The following GSK3B variants were observed in gnomAD, a reference collection of about 807,000 sequenced individuals.
GSK3B encodes glycogen synthase kinase 3 beta.
Under a neutral mutation model 56.4 loss-of-function variants are expected in GSK3B, and 15 were observed. The observed-to-expected ratio is 0.27, with a 90% CI of 0.18 to 0.41. The LOEUF (loss-of-function observed/expected upper bound fraction) is 0.41, where lower values mean the gene tolerates loss of function less well. Among genes scored for constraint, GSK3B ranks in the 10% least tolerant of loss-of-function variants. The pLI is 1.00. For missense variants in GSK3B, 300 were observed against 513.4 expected (o/e 0.58, Z 4.02); for synonymous variants, 181 against 188.9 (o/e 0.96, Z 0.34).
intron 2 of GSK3B, among the ~76,000 whole-genome samples, chr3:119,963,892 TAA>T (rs1195842783): frequency 6.6e-6 from 1 of 152,096 alleles, no homozygotes; most frequent in Non-Finnish European, 1.5e-5. Flanking sequence ...GATTTAAACA[TAA>T]GATCTGAAAA....
At chr3:120,027,939 T>A (rs916142058) in intron 1 of GSK3B, among the ~76,000 whole-genome samples, 1 of 152,234 alleles carries the variant, frequency 6.6e-6, no homozygotes, top group Middle Eastern at 3.2e-3. Context: ...GAAGTATTAC[T>A]GTCACTGGGT....
chr3:120,034,413 G>A (rs1490589198), intron 1 of GSK3B, among the ~76,000 whole-genome samples: 2 of 152,136 alleles, frequency 1.3e-5, no homozygotes, highest in South Asian at 4.1e-4. Flanking sequence ...ATGGTATGAG[G>A]TAGGAGTTAA....
chr3:119,957,485 T>TA (rs2057227106), intron 2 of GSK3B, among the ~76,000 whole-genome samples: 1 of 152,208 alleles, frequency 6.6e-6, no homozygotes, highest in African/African-American at 2.4e-5. Flanking sequence ...CTTGAATACT[T>TA]AGTTTTCGGA....
chr3:119,859,294 C>A (rs973712104), intron 9 of GSK3B, among the ~76,000 whole-genome samples: 2 of 151,996 alleles, frequency 1.3e-5, no homozygotes, highest in African/African-American at 2.4e-5. Context: ...ATATTCACTT[C>A]AGATGTGTCT....
At chr3:119,908,640 G>T (rs2056706143) in intron 6 of GSK3B, among the ~76,000 whole-genome samples, 1 of 152,288 alleles carries the variant, frequency 6.6e-6, no homozygotes, top group African/African-American at 2.4e-5. Context: ...AAGACTCTGA[G>T]AATTACATAC....
At chr3:119,942,973 C>T (rs1477409514) in intron 3 of GSK3B, among the ~76,000 whole-genome samples, 1 of 152,118 alleles carries the variant, frequency 6.6e-6, no homozygotes, top group Non-Finnish European at 1.5e-5. Context: ...CTAGTTACTA[C>T]AGCAAACATT....
At chr3:120,038,797 C>G (rs2058042500) in intron 1 of GSK3B, among the ~76,000 whole-genome samples, 1 of 149,648 alleles carries the variant, frequency 6.7e-6, no homozygotes, top group Admixed American at 6.6e-5. Context: ...TTTTTACATA[C>G]AACACCAAAA....
At chr3:120,084,747 T>C (rs1426388351) in intron 1 of GSK3B, 2 of 152,240 alleles carry the variant, frequency 1.3e-5, no homozygotes, top group East Asian at 1.9e-4. Flanking sequence ...TAATTGTTCA[T>C]TGGTTAAGAC....
At chr3:119,968,089 C>T (rs1161580488) in intron 2 of GSK3B, among the ~76,000 whole-genome samples, 4 of 152,092 alleles carry the variant, frequency 2.6e-5, no homozygotes, top group African/African-American at 4.8e-5. Context: ...TCTCTTGACC[C>T]TGTGATCCTC....
intron 10 of GSK3B, among the ~76,000 whole-genome samples, chr3:119,835,258 G>T (rs2108003214): frequency 6.6e-6 from 1 of 152,308 alleles, no homozygotes; most frequent in East Asian, 1.9e-4. Flanking sequence ...TGAACTGACA[G>T]CGGGACAAAC....
intron 1 of GSK3B, among the ~76,000 whole-genome samples, chr3:120,053,142 G>T (rs922253288): frequency 1.3e-5 from 2 of 152,160 alleles, no homozygotes; most frequent in African/African-American, 4.8e-5. Flanking sequence ...TTCGAGACCA[G>T]CCTGGCCAAC....
intron 8 of GSK3B, among the ~76,000 whole-genome samples, chr3:119,865,563 G>A (rs1330436491): frequency 3.5e-5 from 5 of 143,600 alleles, no homozygotes; most frequent in Admixed American, 7.2e-5. Context: ...TCTGCCTCCC[G>A]GGTTCATGCC....
At chr3:120,091,962 G>C (rs770132675) in intron 1 of GSK3B, among the ~76,000 whole-genome samples, 11 of 152,152 alleles carry the variant, frequency 7.2e-5, no homozygotes, top group Non-Finnish European at 1.3e-4. Flanking sequence ...TGTTGCCTAA[G>C]AATATAATCA....
At chr3:119,929,916 A>AT (rs2056927524) in intron 3 of GSK3B, among the ~76,000 whole-genome samples, 6 of 150,216 alleles carry the variant, frequency 4.0e-5, no homozygotes, top group Non-Finnish European at 5.9e-5. Flanking sequence ...AAAAAAAAAA[A>AT]AAATAATAAT....
At chr3:119,924,794 C>A (rs1330893952) in intron 3 of GSK3B, among the ~76,000 whole-genome samples, 3 of 152,116 alleles carry the variant, frequency 2.0e-5, no homozygotes, top group Admixed American at 2.0e-4. Context: ...CAGAGCTATG[C>A]CTATTCAGTT....
chr3:120,057,604 T>C (rs1220450930), intron 1 of GSK3B, among the ~76,000 whole-genome samples: 2 of 152,216 alleles, frequency 1.3e-5, no homozygotes, highest in Non-Finnish European at 2.9e-5. Context: ...AAGATAGATA[T>C]ATATTAAAAG....
intron 1 of GSK3B, among the ~76,000 whole-genome samples, chr3:120,064,880 T>C (rs913636084): frequency 6.6e-6 from 1 of 151,916 alleles, no homozygotes; most frequent in Admixed American, 6.6e-5. Context: ...GTAATAAGAG[T>C]GCCAACACCA....
At chr3:119,963,946 A>C (rs186214897) in intron 2 of GSK3B, among the ~76,000 whole-genome samples, 2 of 152,322 alleles carry the variant, frequency 1.3e-5, no homozygotes, top group South Asian at 2.1e-4. Flanking sequence ...AACCTTCTTG[A>C]CACTGTTCTT....
chr3:119,923,283 A>C, intron 4 of GSK3B, 90 bp downstream of exon 4: 1 of 619,198 alleles, frequency 1.6e-6, no homozygotes, highest in Non-Finnish European at 2.8e-6. Context: ...TGAGTATTAA[A>C]TACAATAATA....
Sources: gnomAD v4.1 joint callset for allele counts (sites outside exome capture counted in the v4.1 genomes callset) on GRCh38, gnomAD v4.1.1 for gene constraint, MANE v1.5 for transcripts, NCBI Gene and HGNC (gene_info 2026-07-23, HGNC 2026-07-21) for gene names.